CEP112: variants seen among roughly 807,000 people sequenced by gnomAD.
The protein encoded by CEP112 is centrosomal protein 112, also known as centrosomal protein of 112 kDa.
Under a neutral mutation model 153.0 loss-of-function variants are expected in CEP112, and 127 were observed. The observed-to-expected ratio is 0.83, with a 90% CI of 0.72 to 0.96. The LOEUF (loss-of-function observed/expected upper bound fraction) is 0.96. Ranked by LOEUF, CEP112 falls within the 40% of genes least tolerant of loss-of-function variation. The pLI is 0.00. For missense variants in CEP112, 1,089 were observed against 1,101.2 expected (o/e 0.99, Z 0.16); for synonymous variants, 358 against 374.4 (o/e 0.96, Z 0.51).
chr17:65,788,056 T>A (rs1038111168), intron 21 of CEP112, among the ~76,000 whole-genome samples: 7 of 152,202 alleles, frequency 4.6e-5, no homozygotes, highest in Non-Finnish European at 8.8e-5. Context: ...AAGTTTTTGA[T>A]TAATATTCTT....
chr17:66,179,623 G>A (rs2072633190), intron 2 of CEP112, among the ~76,000 whole-genome samples: 1 of 152,014 alleles, frequency 6.6e-6, no homozygotes, highest in African/African-American at 2.4e-5. Flanking sequence ...TAAGATCATA[G>A]CATCTTTAAA....
At chr17:65,736,718 T>C (rs953764391) in intron 23 of CEP112, among the ~76,000 whole-genome samples, 1 of 152,184 alleles carries the variant, frequency 6.6e-6, no homozygotes, top group Non-Finnish European at 1.5e-5. Flanking sequence ...TGTTCACAGA[T>C]GTTCACGGTC....
Position 65,669,374 on chromosome 17 carries a change from A to G in CEP112, c.2697+19755T>C, listed in dbSNP as rs532706055. Reference sequence around the variant, plus strand: ...GAGAAGCATGTGTTACCACAGGGGTATAAACGTAGGGTTGGAGTTTGAAAA... The same window carrying G: ...GAGAAGCATGTGTTACCACAGGGGTGTAAACGTAGGGTTGGAGTTTGAAAA... On this transcript the variant is annotated intron_variant, in intron 24 of 26. Coordinates refer to ENST00000535342, the MANE Select transcript of CEP112 (RefSeq NM_001199165.4). 5.5e-4 allele frequency among the ~76,000 whole-genome samples: 84 copies of G among 152,362 alleles called. 2 individuals are homozygous for G. The South Asian group carries it at 9.9e-3, about 18-fold the overall frequency.
chr17:65,970,418 T>G (rs113095374), intron 17 of CEP112, among the ~76,000 whole-genome samples: 3 of 128,376 alleles, frequency 2.3e-5, no homozygotes, highest in African/African-American at 9.5e-5. Flanking sequence ...CATGCATGTA[T>G]ATTACATGCA....
At chr17:65,800,362 T>C (rs188987252) in intron 21 of CEP112, among the ~76,000 whole-genome samples, 1 of 152,308 alleles carries the variant, frequency 6.6e-6, no homozygotes, top group Admixed American at 6.5e-5. Context: ...TAATACAATA[T>C]GTGTGCTTTT....
chr17:66,019,659 T>C (rs979697756), intron 16 of CEP112, among the ~76,000 whole-genome samples: 21 of 152,252 alleles, frequency 1.4e-4, no homozygotes, highest in Non-Finnish European at 2.9e-4. Flanking sequence ...AAATCTTAGT[T>C]ACAGTGAAAA....
intron 23 of CEP112, among the ~76,000 whole-genome samples, chr17:65,728,132 T>C (rs1433789566): frequency 1.3e-5 from 2 of 152,242 alleles, no homozygotes; most frequent in African/African-American, 2.4e-5. Context: ...TAGGACTATA[T>C]GGCCTGCAAA....
chr17:65,811,412 G>C (rs2055945787), intron 21 of CEP112, among the ~76,000 whole-genome samples: 1 of 152,170 alleles, frequency 6.6e-6, no homozygotes. Context: ...AACTGAGTTA[G>C]AAATGTGGGG....
At chr17:65,692,723 C>T (rs2144451777) in intron 23 of CEP112, among the ~76,000 whole-genome samples, 1 of 152,238 alleles carries the variant, frequency 6.6e-6, no homozygotes, top group Admixed American at 6.5e-5. Flanking sequence ...TTTCATCCAT[C>T]TAGTGTTTAA....
chr17:66,000,335 G>T (rs2063979562), intron 17 of CEP112, among the ~76,000 whole-genome samples: 1 of 113,132 alleles, frequency 8.8e-6, no homozygotes, highest in African/African-American at 3.6e-5. Flanking sequence ...GAGCTTTTTT[G>T]CTTTTTTGCT....
At chr17:66,087,018 CTG>C (rs1463076509) in intron 8 of CEP112, among the ~76,000 whole-genome samples, 1 of 152,042 alleles carries the variant, frequency 6.6e-6, no homozygotes, top group Non-Finnish European at 1.5e-5. Flanking sequence ...TCAGAAATGA[CTG>C]TAATTGCACA....
At chr17:65,925,137 T>A (rs958253652) in intron 19 of CEP112, among the ~76,000 whole-genome samples, 4 of 152,174 alleles carry the variant, frequency 2.6e-5, no homozygotes, top group Non-Finnish European at 5.9e-5. Context: ...TGGGGGCAGC[T>A]TCCCCCCGTA....
intron 6 of CEP112, among the ~76,000 whole-genome samples, chr17:66,126,538 A>T (rs1328521808): frequency 1.3e-5 from 2 of 152,162 alleles, no homozygotes; most frequent in East Asian, 3.9e-4. Flanking sequence ...GAAATAGGTA[A>T]AAAATATATT....
At chr17:65,666,132 G>GT (rs1180987801) in intron 24 of CEP112, among the ~76,000 whole-genome samples, 1 of 152,200 alleles carries the variant, frequency 6.6e-6, no homozygotes, top group Non-Finnish European at 1.5e-5. Context: ...ATGTTGCCAG[G>GT]TTTTTTGGGC....
chr17:65,656,601 C>T (rs2143733473), intron 24 of CEP112, among the ~76,000 whole-genome samples: 1 of 152,298 alleles, frequency 6.6e-6, no homozygotes, highest in Admixed American at 6.5e-5. Flanking sequence ...TCTGTGATTG[C>T]TTTCTCATGA....
At chr17:65,665,938 T>C (rs1157341224) in intron 24 of CEP112, among the ~76,000 whole-genome samples, 1 of 152,144 alleles carries the variant, frequency 6.6e-6, no homozygotes, top group African/African-American at 2.4e-5. Context: ...CTGGATTGCT[T>C]TGGGTACTGA....
At chr17:65,996,886 T>C (rs1484089258) in intron 17 of CEP112, among the ~76,000 whole-genome samples, 3 of 152,174 alleles carry the variant, frequency 2.0e-5, no homozygotes, top group Non-Finnish European at 4.4e-5. Flanking sequence ...GCCTGAAGCC[T>C]CTTACATGGA....
At chr17:65,844,221 A>G (rs865793821) in intron 21 of CEP112, among the ~76,000 whole-genome samples, 47 of 152,374 alleles carry the variant, frequency 3.1e-4, no homozygotes, top group Middle Eastern at 6.8e-3. Flanking sequence ...ATAAATCTAC[A>G]GACTAAGTAG....
intron 23 of CEP112, among the ~76,000 whole-genome samples, chr17:65,700,998 ACT>A (rs1039021194): frequency 4.6e-5 from 7 of 152,100 alleles, no homozygotes; most frequent in African/African-American, 1.4e-4. Flanking sequence ...TGCTTTAGAA[ACT>A]CTAAAAATGA....
Sources: gnomAD v4.1 joint callset for allele counts (sites outside exome capture counted in the v4.1 genomes callset) on GRCh38, gnomAD v4.1.1 for gene constraint, MANE v1.5 for transcripts, NCBI Gene and HGNC (gene_info 2026-07-23, HGNC 2026-07-21) for gene names.